KITLG: variants seen among roughly 807,000 people sequenced by gnomAD.
KITLG encodes c-Kit ligand.
A neutral mutation model predicts 34.1 loss-of-function variants in KITLG; 13 were observed. The observed-to-expected ratio is 0.38, with a 90% CI of 0.25 to 0.61. KITLG has a LOEUF of 0.61. KITLG is among the 20% of genes least tolerant of loss of function. KITLG has a pLI of 0.60. For synonymous variants in KITLG, 110 were observed against 104.0 expected (o/e 1.06, Z -0.35); for missense variants, 292 against 318.9 (o/e 0.92, Z 0.64).
intron 3 of KITLG, among the ~76,000 whole-genome samples, chr12:88,528,517 A>G (rs938763704): frequency 2.6e-5 from 4 of 152,340 alleles, no homozygotes; most frequent in Non-Finnish European, 2.9e-5. Flanking sequence ...AAAAACAAAA[A>G]CAAAAAAGCT....
intron 2 of KITLG, among the ~76,000 whole-genome samples, chr12:88,541,796 CAA>C (rs1397546737): frequency 6.6e-6 from 1 of 151,780 alleles, no homozygotes; most frequent in African/African-American, 2.4e-5. Flanking sequence ...GGGGGCAGTA[CAA>C]AGTGTTCAAG....
chr12:88,573,898 G>A (rs1871739215), intron 1 of KITLG, among the ~76,000 whole-genome samples: 1 of 152,158 alleles, frequency 6.6e-6, no homozygotes. Flanking sequence ...AGTTTGAGCT[G>A]CTGTCTGTGT....
At chr12:88,523,123 C>T (rs1293878261) in intron 3 of KITLG, among the ~76,000 whole-genome samples, 4 of 152,164 alleles carry the variant, frequency 2.6e-5, no homozygotes, top group Admixed American at 6.5e-5. Flanking sequence ...TGGAATTAGA[C>T]GTATGCATGC....
chr12:88,535,066 A>C (rs1217814929), intron 2 of KITLG, among the ~76,000 whole-genome samples: 1 of 152,188 alleles, frequency 6.6e-6, no homozygotes, highest in East Asian at 1.9e-4. Flanking sequence ...ATTATTTTAA[A>C]AATACAAAAA....
intron 3 of KITLG, among the ~76,000 whole-genome samples, chr12:88,520,688 T>G (rs1048901874): frequency 5.3e-5 from 8 of 152,176 alleles, no homozygotes; most frequent in African/African-American, 9.6e-5. Flanking sequence ...TGCTTTTTTT[T>G]TGTGGTTAAA....
chr12:88,563,776 C>T (rs1871363259), intron 1 of KITLG, among the ~76,000 whole-genome samples: 1 of 152,164 alleles, frequency 6.6e-6, no homozygotes, highest in South Asian at 2.1e-4. Context: ...GCCTGGCCAA[C>T]ATGGGGAAAC....
At chr12:88,528,753 A>C (rs182340005) in intron 3 of KITLG, among the ~76,000 whole-genome samples, 1 of 152,352 alleles carries the variant, frequency 6.6e-6, no homozygotes, top group African/African-American at 2.4e-5. Flanking sequence ...TGATAAAGCA[A>C]ATGAGGCAGA....
chr12:88,560,818 A>G (rs983397298), intron 1 of KITLG, among the ~76,000 whole-genome samples: 1 of 151,992 alleles, frequency 6.6e-6, no homozygotes, highest in Non-Finnish European at 1.5e-5. Context: ...AAATAAAAAA[A>G]TTAGCCGGGC....
intron 1 of KITLG, among the ~76,000 whole-genome samples, chr12:88,554,837 C>A (rs905558560): frequency 2.6e-5 from 4 of 152,136 alleles, no homozygotes; most frequent in Non-Finnish European, 5.9e-5. Context: ...GTTAAGTAAT[C>A]TTAAAGGGAC....
chr12:88,579,838 C>T (rs1871954194), intron 1 of KITLG, among the ~76,000 whole-genome samples: 2 of 152,312 alleles, frequency 1.3e-5, no homozygotes, highest in Admixed American at 1.3e-4. Flanking sequence ...ACAAATAAAT[C>T]TGAGTGAGAG....
chr12:88,575,566 G>T (rs1433401801), intron 1 of KITLG, among the ~76,000 whole-genome samples: 1 of 152,076 alleles, frequency 6.6e-6, no homozygotes, highest in Non-Finnish European at 1.5e-5. Context: ...AATCAGAAAG[G>T]CTGCAGTCAA....
chr12:88,507,118 A>T lies in KITLG; in HGVS notation c.624T>A (p.Pro208=). The change falls in exon 7 of 10, where the codon CCT becomes CCA. Residue 208 remains proline, a synonymous_variant. Coordinates refer to ENST00000644744, the MANE Select transcript of KITLG (RefSeq NM_000899.5). Reference sequence around the variant, plus strand: ...CTGCCCAGTGTAGGCTGGAGTCTCCAGGGGGATTTTTGGCCTTCCCTATAA... The same window carrying T: ...CTGCCCAGTGTAGGCTGGAGTCTCCTGGGGGATTTTTGGCCTTCCCTATAA... The part of the protein sequence containing the change: ...SSSNRKAKNP[P]GDSSLHWAAM... 2 of 1,612,556 alleles carry T rather than the reference A, an allele frequency of 1.2e-6. No individual in the cohort carries two copies. The highest frequency in any genetic ancestry group is 8.5e-7 in the Non-Finnish European group (1 of 1,178,594).
intron 1 of KITLG, chr12:88,579,956 T>C: frequency 7.1e-6 from 4 of 564,690 alleles, no homozygotes; most frequent in Non-Finnish European, 1.3e-5. Flanking sequence ...TAACATTCCA[T>C]GGCCCAAAAG....
At chr12:88,563,730 G>A (rs1407335111) in intron 1 of KITLG, among the ~76,000 whole-genome samples, 1 of 152,198 alleles carries the variant, frequency 6.6e-6, no homozygotes, top group African/African-American at 2.4e-5. Flanking sequence ...GGAGACCAAG[G>A]TGGGCGGATC....
At position 88,544,510 on chromosome 12, in the gene KITLG, T is replaced by TA. The variant is rs1428404176; in HGVS notation, c.129+1241_129+1242insT. Among the ~76,000 whole-genome samples the TA allele has an allele frequency of 5.4e-4, 44 of 80,742 alleles. No homozygotes were observed. The East Asian group carries it at 5.5e-3, about 10-fold the overall frequency. 53.0% of individuals were successfully genotyped at this position (80,742 alleles called of 152,430 possible). On this transcript the variant is annotated intron_variant, in intron 2 of 9. Coordinates refer to ENST00000644744, the MANE Select transcript of KITLG (RefSeq NM_000899.5). ...TGATCTATTTTTAAACAGTATGTTT[T>TA]TAAAAAAAAAAAAGTACTCCCCCCT...
chr12:88,546,928 C>G (rs116561427), intron 1 of KITLG, among the ~76,000 whole-genome samples: 10 of 152,168 alleles, frequency 6.6e-5, no homozygotes, highest in Admixed American at 4.6e-4. Context: ...AGGGGGAGAA[C>G]CAGTTGCAGG....
intron 1 of KITLG, among the ~76,000 whole-genome samples, chr12:88,571,798 T>C (rs1871660697): frequency 6.6e-6 from 1 of 152,174 alleles, no homozygotes; most frequent in Non-Finnish European, 1.5e-5. Context: ...TCAATGTTCA[T>C]GTAAACAGAA....
At chr12:88,522,078 A>G (rs1592844873) in intron 3 of KITLG, among the ~76,000 whole-genome samples, 1 of 152,324 alleles carries the variant, frequency 6.6e-6, no homozygotes, top group Non-Finnish European at 1.5e-5. Context: ...TAAATAAAAT[A>G]TATAATTTAA....
intron 1 of KITLG, among the ~76,000 whole-genome samples, chr12:88,563,449 A>G (rs988887541): frequency 2.0e-5 from 3 of 152,242 alleles, no homozygotes; most frequent in Admixed American, 2.0e-4. Context: ...ACTTGTTTGC[A>G]AGAAACAGAA....
Sources: gnomAD v4.1 joint callset for allele counts (sites outside exome capture counted in the v4.1 genomes callset) on GRCh38, gnomAD v4.1.1 for gene constraint, MANE v1.5 for transcripts, NCBI Gene and HGNC (gene_info 2026-07-23, HGNC 2026-07-21) for gene names.